PLCB4: variants seen among roughly 807,000 people sequenced by gnomAD.
PLCB4 encodes the protein phospholipase C beta 4, also known as 1-phosphatidylinositol 4,5-bisphosphate phosphodiesterase beta-4.
Under a neutral mutation model 178.8 loss-of-function variants are expected in PLCB4, and 77 were observed. The observed-to-expected ratio is 0.43, with a 90% confidence interval of 0.36 to 0.52. The LOEUF is 0.52. PLCB4 is among the 20% of genes least tolerant of loss of function. PLCB4 has a pLI of 0.00. For missense variants in PLCB4, 1,024 were observed against 1,453.4 expected, an observed-to-expected ratio of 0.70 and a Z score of 4.80; for synonymous variants, 496 against 490.8, an observed-to-expected ratio of 1.01 and a Z score of -0.14.
intron 3 of PLCB4, among the ~76,000 whole-genome samples, chr20:9,303,052 T>C (rs958130690): frequency 1.3e-5 from 2 of 152,092 alleles, no homozygotes; most frequent in African/African-American, 4.8e-5. Flanking sequence ...GGCCACCATG[T>C]TGTTTTTTAA....
chr20:9,374,726 T>G (rs1053537651), intron 12 of PLCB4, among the ~76,000 whole-genome samples: 3 of 152,166 alleles, frequency 2.0e-5, no homozygotes, highest in African/African-American at 7.2e-5. Flanking sequence ...ATTTATAGGC[T>G]CTTATCTAAT....
At chr20:9,265,186 G>C (rs1436426713) in intron 3 of PLCB4, among the ~76,000 whole-genome samples, 5 of 152,104 alleles carry the variant, frequency 3.3e-5, no homozygotes, top group Non-Finnish European at 5.9e-5. Context: ...TACTTGAAAA[G>C]ATGACGAGGC....
At chr20:9,331,817 C>T (rs1035954642) in intron 4 of PLCB4, among the ~76,000 whole-genome samples, 3 of 152,094 alleles carry the variant, frequency 2.0e-5, no homozygotes, top group South Asian at 4.1e-4. Context: ...TCTCTGTAAG[C>T]CTGTAGTGGC....
chr20:9,245,078 C>T (rs971003141), intron 3 of PLCB4, among the ~76,000 whole-genome samples: 1 of 152,082 alleles, frequency 6.6e-6, no homozygotes, highest in Non-Finnish European at 1.5e-5. Flanking sequence ...TGCCATGTGC[C>T]GCTTATCATC....
At chr20:9,248,687 T>C (rs920500133) in intron 3 of PLCB4, among the ~76,000 whole-genome samples, 1 of 152,196 alleles carries the variant, frequency 6.6e-6, no homozygotes, top group African/African-American at 2.4e-5. Flanking sequence ...CTGAGAACTA[T>C]GTATTTATTT....
At chr20:9,085,266 C>T (rs551342160) in intron 1 of PLCB4, among the ~76,000 whole-genome samples, 5 of 152,162 alleles carry the variant, frequency 3.3e-5, no homozygotes, top group African/African-American at 9.6e-5. Flanking sequence ...TACATATGTG[C>T]GTGAACTTTC....
Position 9,479,194 on chromosome 20 carries a change from A to C in PLCB4, c.*185A>C. On this transcript the variant is annotated 3_prime_UTR_variant, in exon 40 of 40. Transcript: ENST00000378473. Reference sequence around the variant, plus strand: ...GAGTATTGCATTTCCTTGGCCAAACAAAAATAGCTACAAATCCACAAAAAT... The same window carrying C: ...GAGTATTGCATTTCCTTGGCCAAACCAAAATAGCTACAAATCCACAAAAAT... The C allele has an allele frequency of 1.7e-6, 1 of 577,368 alleles. No individual in the cohort carries two copies. The highest frequency in any genetic ancestry group is 3.1e-6 in the Non-Finnish European group (1 of 322,246). 35.8% of individuals were successfully genotyped at this position (577,368 alleles called of 1,614,324 possible).
intron 4 of PLCB4, among the ~76,000 whole-genome samples, chr20:9,335,863 T>A (rs759132253): frequency 1.2e-4 from 18 of 152,118 alleles, no homozygotes; most frequent in Non-Finnish European, 2.5e-4. Flanking sequence ...AATACATAAA[T>A]ACATACAGTA....
intron 2 of PLCB4, among the ~76,000 whole-genome samples, chr20:9,122,479 T>C (rs1266793502): frequency 6.6e-6 from 1 of 152,148 alleles, no homozygotes; most frequent in Non-Finnish European, 1.5e-5. Flanking sequence ...ACTGGATACT[T>C]AGGTGTTTTG....
At position 9,384,182 on chromosome 20, in the gene PLCB4, G is replaced by A. The variant is rs1192746151; in HGVS notation, c.854-19G>A. 1 of 1,573,860 alleles carries A rather than the reference G, an allele frequency of 6.4e-7. No individual in the cohort carries two copies. Among genetic ancestry groups the A allele is most frequent in the Admixed American group, 1.7e-5 (1 of 59,972 alleles). On this transcript the variant is annotated intron_variant, in intron 13 of 39. Coordinates refer to ENST00000378473, the MANE Select transcript of PLCB4 (RefSeq NM_001377142.1). ...TCTTCAGAGCTACAAGTGCTACTAA[G>A]ATGTTCTTTTTCCCCTAGGCCTTAT... is the stretch of plus-strand genomic sequence containing the variant.
intron 2 of PLCB4, among the ~76,000 whole-genome samples, chr20:9,209,957 C>A: frequency 9.4e-6 from 1 of 106,422 alleles, no homozygotes; most frequent in African/African-American, 4.1e-5. Context: ...GAGCAAGACT[C>A]TGTCTCAAAA....
At chr20:9,417,170 A>G (rs1208728551) in intron 25 of PLCB4, among the ~76,000 whole-genome samples, 1 of 152,132 alleles carries the variant, frequency 6.6e-6, no homozygotes, top group African/African-American at 2.4e-5. Flanking sequence ...TGCTCATAGT[A>G]TGGATTCTTT....
chr20:9,216,828 C>A (rs190314693), intron 2 of PLCB4, among the ~76,000 whole-genome samples: 47 of 152,232 alleles, frequency 3.1e-4, no homozygotes, highest in African/African-American at 1.1e-3. Context: ...TCTGACACCA[C>A]CTGGAACTTT....
At chr20:9,402,431 G>C (rs562717372) in intron 20 of PLCB4, among the ~76,000 whole-genome samples, 35 of 152,302 alleles carry the variant, frequency 2.3e-4, no homozygotes, top group African/African-American at 7.9e-4. Context: ...AGGTAGGTGG[G>C]AACTGGGTGA....
intron 2 of PLCB4, among the ~76,000 whole-genome samples, chr20:9,096,969 C>T (rs1222788050): frequency 6.6e-6 from 1 of 151,924 alleles, no homozygotes; most frequent in Non-Finnish European, 1.5e-5. Flanking sequence ...GAGTCTCGCT[C>T]TGTCACCCAG....
chr20:9,087,278 A>G (rs1422165045), intron 1 of PLCB4, among the ~76,000 whole-genome samples: 1 of 152,188 alleles, frequency 6.6e-6, no homozygotes, highest in East Asian at 1.9e-4. Context: ...ATTTAACTTT[A>G]TGGAAAAAAG....
intron 2 of PLCB4, among the ~76,000 whole-genome samples, chr20:9,191,402 CA>C (rs1486657481): frequency 1.7e-5 from 2 of 116,126 alleles, no homozygotes. Context: ...ACACAGTGTT[CA>C]AGGGGCCCTC....
chr20:9,375,998 A>G (rs2036635227), intron 12 of PLCB4, among the ~76,000 whole-genome samples: 1 of 152,112 alleles, frequency 6.6e-6, no homozygotes, highest in African/African-American at 2.4e-5. Flanking sequence ...ACTAATGTGT[A>G]TCTTCAGGGG....
At chr20:9,351,940 C>T (rs1271995747) in intron 7 of PLCB4, among the ~76,000 whole-genome samples, 1 of 152,176 alleles carries the variant, frequency 6.6e-6, no homozygotes, top group Non-Finnish European at 1.5e-5. Context: ...TCTATGAACA[C>T]CTTTTAATTC....
Sources: gnomAD v4.1 joint callset for allele counts (sites outside exome capture counted in the v4.1 genomes callset) on GRCh38, gnomAD v4.1.1 for gene constraint, MANE v1.5 for transcripts, NCBI Gene and HGNC (gene_info 2026-07-23, HGNC 2026-07-21) for gene names.